The following LAMA3 variants were observed in gnomAD, a reference collection of about 807,000 sequenced individuals.
LAMA3 encodes laminin subunit alpha 3.
Under a neutral mutation model 402.0 loss-of-function variants are expected in LAMA3, and 281 were observed. The ratio of observed to expected loss-of-function variants is 0.70; its 90% CI spans 0.63 to 0.77. LAMA3 has a LOEUF of 0.77. LAMA3 is among the 30% of genes least tolerant of loss of function. LAMA3 has a pLI of 0.00. For synonymous variants in LAMA3, 1,431 were observed against 1,558.4 expected, an observed-to-expected ratio of 0.92 and a Z score of 1.93; for missense variants, 3,840 against 4,215.5, an observed-to-expected ratio of 0.91 and a Z score of 2.47.
intron 2 of LAMA3, among the ~76,000 whole-genome samples, chr18:23,746,941 AT>A (rs907736460): frequency 4.7e-5 from 7 of 148,178 alleles, no homozygotes; most frequent in Admixed American, 1.4e-4. Context: ...GATGAAACTC[AT>A]TTTTTTTTTC....
chr18:23,815,687 C>T (rs1598848901), intron 17 of LAMA3, 114 bp downstream of exon 17: 2 of 770,130 alleles, frequency 2.6e-6, no homozygotes, highest in East Asian at 5.3e-5. Flanking sequence ...TGGAATGGCC[C>T]TGAAACATTC....
intron 7 of LAMA3, among the ~76,000 whole-genome samples, chr18:23,760,869 C>A (rs2061952784): frequency 6.6e-6 from 1 of 152,106 alleles, no homozygotes. Flanking sequence ...ATGCCACTTT[C>A]TTGCTGTGTC....
At chr18:23,925,962 C>G (rs1645142672) in intron 62 of LAMA3, among the ~76,000 whole-genome samples, 1 of 152,232 alleles carries the variant, frequency 6.6e-6, no homozygotes, top group Non-Finnish European at 1.5e-5. Flanking sequence ...CTACCACTTA[C>G]CAGCTGTGTG....
rs1316360888 is a variant in LAMA3, at chr18:23,698,268, G to A, written c.294+8291G>A. The stretch of plus-strand genomic sequence containing the variant: ...GTCACCCAGGCTGGAGTGCAGTGGC[G>A]CGATCTCGGCTCACTGCGAGCTCCG... On this transcript the variant is annotated intron_variant, in intron 1 of 74. Coordinates refer to ENST00000313654, the MANE Select transcript of LAMA3 (RefSeq NM_198129.4). Among the ~76,000 whole-genome samples the A allele has an allele frequency of 3.4e-5, 5 of 147,884 alleles. No individual in the cohort carries two copies. In the South Asian group the frequency reaches 6.5e-4, roughly 19 times the overall value.
At chr18:23,845,148 C>A in intron 30 of LAMA3, 24 bp downstream of exon 30, 1 of 1,366,186 alleles carries the variant, frequency 7.3e-7, no homozygotes, top group Non-Finnish European at 1.0e-6. Context: ...TGTGGGAAGG[C>A]TCTGGAATGC....
intron 40 of LAMA3, 31 bp downstream of exon 40, chr18:23,882,076 G>C: frequency 6.6e-7 from 1 of 1,513,808 alleles, no homozygotes; most frequent in South Asian, 1.1e-5. Context: ...AACCTACAGG[G>C]ACCCAAAGTC....
chr18:23,810,843 T>C (rs1454032919), intron 13 of LAMA3, among the ~76,000 whole-genome samples: 3 of 152,206 alleles, frequency 2.0e-5, no homozygotes, highest in Non-Finnish European at 4.4e-5. Context: ...GGCCATTTGT[T>C]GTCTTCTGTC....
chr18:23,890,194 C>T, intron 42 of LAMA3, 77 bp downstream of exon 42: 1 of 934,866 alleles, frequency 1.1e-6, no homozygotes, highest in Non-Finnish European at 1.8e-6. Context: ...CCCAAGCACA[C>T]ATCTTCAGGA....
At chr18:23,725,434 G>A (rs2061283244) in intron 2 of LAMA3, among the ~76,000 whole-genome samples, 1 of 152,188 alleles carries the variant, frequency 6.6e-6, no homozygotes, top group South Asian at 2.1e-4. Context: ...TTTTCTGGTG[G>A]TCACTGCCAG....
chr18:23,908,226 A>G (rs2081314166), intron 54 of LAMA3, among the ~76,000 whole-genome samples: 1 of 152,196 alleles, frequency 6.6e-6, no homozygotes, highest in Admixed American at 6.5e-5. Flanking sequence ...ATTGATATTA[A>G]GAATCAGAAA....
At chr18:23,867,504 G>A (rs936838318) in intron 36 of LAMA3, among the ~76,000 whole-genome samples, 12 of 143,418 alleles carry the variant, frequency 8.4e-5, no homozygotes, top group African/African-American at 3.1e-4. Flanking sequence ...AGCCAAGGTT[G>A]TGCCATTTCA....
intron 12 of LAMA3, among the ~76,000 whole-genome samples, chr18:23,793,267 C>G (rs1288019098): frequency 6.6e-6 from 1 of 151,870 alleles, no homozygotes; most frequent in Non-Finnish European, 1.5e-5. Context: ...CTGGACTGGT[C>G]GGTGTGCATT....
At chr18:23,830,448 C>T (rs2063470549) in intron 23 of LAMA3, among the ~76,000 whole-genome samples, 1 of 152,140 alleles carries the variant, frequency 6.6e-6, no homozygotes, top group African/African-American at 2.4e-5. Flanking sequence ...TGGCTTTCAC[C>T]TCCCACTCCA....
chr18:23,822,600 C>T (rs1053854252), intron 20 of LAMA3, among the ~76,000 whole-genome samples: 7 of 151,946 alleles, frequency 4.6e-5, no homozygotes, highest in East Asian at 1.9e-4. Context: ...TTTTAAAAAT[C>T]GATATAACAA....
intron 2 of LAMA3, among the ~76,000 whole-genome samples, chr18:23,715,074 A>G (rs889698501): frequency 7.2e-5 from 11 of 152,198 alleles, no homozygotes; most frequent in African/African-American, 2.4e-4. Flanking sequence ...TAGAGAGAAA[A>G]GTAGCTTAGT....
chr18:23,815,371 A>T, intron 16 of LAMA3, 97 bp from the exon 17 acceptor site: 1 of 1,352,744 alleles, frequency 7.4e-7, no homozygotes, highest in Non-Finnish European at 1.1e-6. Flanking sequence ...TCCTGGCTAC[A>T]CTGCTTCCTA....
In LAMA3 at chr18:23,928,137, C is replaced by T. The variant is rs776754771; in HGVS notation, c.8192C>T (p.Thr2731Met). The stretch of plus-strand genomic sequence containing the variant: ...TTCGTAATCAGATTTAACATTTCTA[C>T]GCCTGCTTTCCGAGGCTGCATGAAA... ...IAIRERFNIS[T>M]PAFRGCMKNL... The change falls in exon 63 of 75, where the codon ACG becomes ATG. Residue 2731 changes from threonine (T) to methionine (M), a missense_variant. By Grantham distance (81) the Thr-to-Met change is moderately conservative (BLOSUM62 -1). This residue lies in a region of LAMA3 where 840 missense variants were observed against 981.9 expected (regional missense o/e 0.86). Transcript: ENST00000313654. 32 of 1,611,870 alleles carry T rather than the reference C, an allele frequency of 2.0e-5. No homozygotes were observed. The highest frequency in any genetic ancestry group is 1.6e-4 in the Middle Eastern group (1 of 6,078).
intron 34 of LAMA3, among the ~76,000 whole-genome samples, chr18:23,860,692 G>T (rs897564820): frequency 9.5e-6 from 1 of 105,672 alleles, no homozygotes; most frequent in South Asian, 3.2e-4. Context: ...CTCAAAAAAA[G>T]ATTTTTTTTT....
chr18:23,693,948 G>A (rs2060639091), intron 1 of LAMA3, among the ~76,000 whole-genome samples: 1 of 152,174 alleles, frequency 6.6e-6, no homozygotes, highest in African/African-American at 2.4e-5. Context: ...GGCCAAGCGG[G>A]TGAGTAGGGT....
Sources: gnomAD v4.1 joint callset for allele counts (sites outside exome capture counted in the v4.1 genomes callset) on GRCh38, gnomAD v4.1.1 for gene constraint, gnomAD v4.1.1 regional missense constraint, MANE v1.5 for transcripts, NCBI Gene and HGNC (gene_info 2026-07-23, HGNC 2026-07-21) for gene names.